Variants in ATP8A2 observed in about 807,000 individuals in gnomAD.
The protein encoded by ATP8A2 is phospholipid-transporting ATPase IB.
A neutral mutation model predicts 165.6 loss-of-function variants in ATP8A2; 100 were observed. The observed-to-expected ratio is 0.60, with a 90% CI of 0.51 to 0.71. ATP8A2 has a LOEUF of 0.71. ATP8A2 is among the 30% of genes least tolerant of loss of function. ATP8A2 has a pLI of 0.00. For synonymous variants in ATP8A2, 543 were observed against 548.8 expected (o/e 0.99, Z 0.15); for missense variants, 1,227 against 1,479.5 (o/e 0.83, Z 2.80).
At chr13:25,513,325 G>A (rs2037335222) in intron 2 of ATP8A2, among the ~76,000 whole-genome samples, 3 of 151,878 alleles carry the variant, frequency 2.0e-5, no homozygotes, top group South Asian at 4.2e-4. Flanking sequence ...AGACGGGGCG[G>A]TGGGGCAGAG....
At position 25,631,748 on chromosome 13, in the gene ATP8A2, C is replaced by T. The variant is rs187395434; in HGVS notation, c.2211+42049C>T. On this transcript the variant is annotated intron_variant, in intron 24 of 36. Transcript: ENST00000381655. ...ATTTTCAAAATGCCACCACCACCAA[C>T]ATATAGGCATGATGCCCTCCACTTC... 2.6e-5 allele frequency among the ~76,000 whole-genome samples: 4 copies of T among 152,240 alleles called. No individual in the cohort carries two copies. In the East Asian group the frequency reaches 7.7e-4, roughly 29 times the overall value.
intron 25 of ATP8A2, among the ~76,000 whole-genome samples, chr13:25,728,025 G>A (rs887769953): frequency 6.6e-6 from 1 of 152,180 alleles, no homozygotes; most frequent in Admixed American, 6.5e-5. Context: ...TCAAGGGGGC[G>A]TTGAGGATCA....
At chr13:25,692,075 C>G (rs762183687) in intron 24 of ATP8A2, among the ~76,000 whole-genome samples, 39 of 152,048 alleles carry the variant, frequency 2.6e-4, no homozygotes, top group Non-Finnish European at 5.1e-4. Flanking sequence ...AGGGAACGAT[C>G]TGAAGAATGG....
At chr13:25,887,782 T>C (rs533521145) in intron 33 of ATP8A2, among the ~76,000 whole-genome samples, 1 of 152,358 alleles carries the variant, frequency 6.6e-6, no homozygotes, top group Admixed American at 6.5e-5. Flanking sequence ...TTTTAATCAC[T>C]TCTTATTAAG....
rs1199184306 is a variant in ATP8A2 at position 25,569,813 on chromosome 13, T to C, written c.1474-954T>C. On this transcript the variant is annotated intron_variant, in intron 16 of 36. Transcript: ENST00000381655. ...AACAAGAAACTACTGTAAAATGTAA[T>C]GGAAATAAGATTCCATTCATAATAT... Among the ~76,000 whole-genome samples, 3 of 152,210 alleles carry C rather than the reference T, an allele frequency of 2.0e-5. No individual in the cohort carries two copies. The East Asian group carries it at 5.8e-4, about 29-fold the overall frequency.
At chr13:25,912,914 A>G (rs1954160836) in intron 33 of ATP8A2, among the ~76,000 whole-genome samples, 1 of 152,236 alleles carries the variant, frequency 6.6e-6, no homozygotes, top group African/African-American at 2.4e-5. Flanking sequence ...TAAATGCAGC[A>G]GTGCGTTGGT....
At chr13:25,622,436 T>C (rs562686760) in intron 24 of ATP8A2, among the ~76,000 whole-genome samples, 9 of 152,240 alleles carry the variant, frequency 5.9e-5, no homozygotes, top group South Asian at 2.1e-4. Flanking sequence ...TCTGAAATTA[T>C]TATATTTTGA....
intron 25 of ATP8A2, among the ~76,000 whole-genome samples, chr13:25,732,494 G>T (rs1000157653): frequency 5.9e-5 from 9 of 152,176 alleles, no homozygotes; most frequent in African/African-American, 2.2e-4. Flanking sequence ...ATAAATAAAT[G>T]AAACATCTCC....
rs189697233 is a variant in ATP8A2, at chr13:25,776,433, T to C, written c.2679+1474T>C. ...GAGAGATTTGGTGATATAATTGACG[T>C]TTTATTCAGTATAGTGAGGTTAAAA... On this transcript the variant is annotated intron_variant, in intron 27 of 36. Transcript: ENST00000381655. Among the ~76,000 whole-genome samples the C allele has an allele frequency of 2.7e-3, 417 of 152,298 alleles. 5 individuals carry two copies. The highest frequency in any genetic ancestry group is 0.018 in the Admixed American group (270 of 15,296).
At chr13:25,853,921 C>A (rs1196749337) in intron 30 of ATP8A2, among the ~76,000 whole-genome samples, 2 of 152,158 alleles carry the variant, frequency 1.3e-5, no homozygotes, top group East Asian at 3.9e-4. Flanking sequence ...CAGTTGTCAT[C>A]ATTTGCATCT....
At position 25,862,305 on chromosome 13, in the gene ATP8A2, G is replaced by A; in HGVS notation, c.3080G>A (p.Ser1027Asn). 5 of 1,613,828 alleles carry A rather than the reference G, an allele frequency of 3.1e-6. No homozygotes were observed. The highest frequency in any genetic ancestry group is 4.2e-6 in the Non-Finnish European group (5 of 1,179,748). ...AGTGTCTATTTCCCTCTGCAGTTCA[G>A]TCATCTGGCTGTCTGGGGAAGCATG... ...GLETTAWTKF[S>N]HLAVWGSMLT... The change falls in exon 33 of 37, where the codon AGT becomes AAT. Residue 1027 changes from serine to asparagine, a missense_variant. This residue lies in a region of ATP8A2 where 260 missense variants were observed against 245.1 expected (regional missense o/e 1.06). Coordinates refer to ENST00000381655, the MANE Select transcript of ATP8A2 (RefSeq NM_016529.6).
At chr13:25,768,984 G>T in intron 25 of ATP8A2, 62 bp from the exon 26 acceptor site, 2 of 1,476,090 alleles carry the variant, frequency 1.4e-6, no homozygotes, top group Non-Finnish European at 1.9e-6. Context: ...GCGGAATGTA[G>T]ATTACAGCTG....
At chr13:25,858,435 C>T (rs918835855) in intron 30 of ATP8A2, among the ~76,000 whole-genome samples, 1 of 152,118 alleles carries the variant, frequency 6.6e-6, no homozygotes, top group African/African-American at 2.4e-5. Context: ...TCTTACTTTA[C>T]CCAGCAGCGG....
At chr13:25,757,501 C>T (rs370515668) in intron 25 of ATP8A2, among the ~76,000 whole-genome samples, 2 of 60,704 alleles carry the variant, frequency 3.3e-5, no homozygotes, top group African/African-American at 6.2e-5. Context: ...TAACGATATA[C>T]TATGTGTGTG....
intron 33 of ATP8A2, among the ~76,000 whole-genome samples, chr13:25,918,120 A>T (rs999487548): frequency 2.6e-5 from 4 of 152,244 alleles, no homozygotes; most frequent in South Asian, 2.1e-4. Context: ...GCCAAACCAC[A>T]TAAATGGATT....
At position 25,386,328 on chromosome 13, in the gene ATP8A2, G is replaced by C. The variant is rs1006061960; in HGVS notation, c.76+14040G>C. Among the ~76,000 whole-genome samples the C allele has an allele frequency of 6.6e-5, 10 of 152,260 alleles. 1 individual carries two copies. The South Asian group carries it at 2.1e-3, about 32-fold the overall frequency. ...GTTTTCTTTGTGATGATGGTGCTTC[G>C]TTAAACTTAGAGGAACTCAGTCATT... is the stretch of plus-strand genomic sequence containing the variant. On this transcript the variant is annotated intron_variant, in intron 1 of 36. Coordinates refer to ENST00000381655, the MANE Select transcript of ATP8A2 (RefSeq NM_016529.6).
chr13:25,838,393 T>C (rs910028877), intron 29 of ATP8A2, among the ~76,000 whole-genome samples: 10 of 152,204 alleles, frequency 6.6e-5, no homozygotes, highest in African/African-American at 2.4e-4. Flanking sequence ...GGGACTCATT[T>C]TACCAATCCT....
chr13:25,439,055 A>T (rs2034857871), intron 1 of ATP8A2, among the ~76,000 whole-genome samples: 1 of 152,200 alleles, frequency 6.6e-6, no homozygotes, highest in Non-Finnish European at 1.5e-5. Context: ...ACATCGAGCT[A>T]TTTCTGATAC....
intron 25 of ATP8A2, among the ~76,000 whole-genome samples, chr13:25,744,666 T>C (rs1425290457): frequency 6.6e-6 from 1 of 152,162 alleles, no homozygotes; most frequent in African/African-American, 2.4e-5. Flanking sequence ...TATGAGATGT[T>C]GGTTAGAATT....
Sources: allele counts gnomAD v4.1 joint callset (sites outside exome capture counted in the v4.1 genomes callset), GRCh38; gene constraint gnomAD v4.1.1; regional missense constraint gnomAD v4.1.1; transcripts MANE v1.5; gene names NCBI Gene and HGNC (gene_info 2026-07-23, HGNC 2026-07-21).